Variants in ASXL1 observed in about 807,000 individuals in gnomAD.
ASXL1 encodes the protein polycomb group protein ASXL1.
ASXL1 carries 65 observed loss-of-function variants against 89.1 expected under a neutral mutation model. The ratio of observed to expected loss-of-function variants is 0.73; its 90% confidence interval spans 0.60 to 0.90. The LOEUF (loss-of-function observed/expected upper bound fraction) is 0.90. Ranked by LOEUF, ASXL1 falls within the 40% of genes least tolerant of loss-of-function variation. The probability of loss-of-function intolerance (pLI) is 0.00; values close to 1 mark genes in which losing one functional copy is unlikely to be tolerated. For missense variants in ASXL1, 1,786 were observed against 1,942.9 expected (o/e 0.92, Z 1.52); for synonymous variants, 739 against 746.9 (o/e 0.99, Z 0.17).
chr20:32,366,712 G>A (rs1198930489), intron 2 of ASXL1, among the ~76,000 whole-genome samples: 1 of 152,072 alleles, frequency 6.6e-6, no homozygotes, highest in Non-Finnish European at 1.5e-5. Context: ...TTAAATCTTG[G>A]CATAGAGCTT....
At chr20:32,392,281 A>ATTT (rs35202000) in intron 4 of ASXL1, among the ~76,000 whole-genome samples, 5 of 131,092 alleles carry the variant, frequency 3.8e-5, no homozygotes, top group African/African-American at 1.4e-4. Flanking sequence ...AGCCTAGCTG[A>ATTT]TTTTTTTTTT....
chr20:32,434,685 G>T lies in ASXL1; in HGVS notation c.1973G>T (p.Gly658Val). Reference protein sequence around the residue: ...GGGGGGATDEGGGRGSSSGDG... With the variant: ...GGGGGGATDEVGGRGSSSGDG... ...GGTGGCGGCGGGGCCACCGATGAGG[G>T]AGGTGGCAGAGGCAGCAGCAGTGGT... is the stretch of plus-strand genomic sequence containing the variant. Residue 658 changes from glycine (G) to valine (V), a missense_variant, in exon 13 of 13, where the codon GGA becomes GTA. By Grantham distance (109) the Gly-to-Val change is moderately radical. Coordinates refer to ENST00000375687, the MANE Select transcript of ASXL1 (RefSeq NM_015338.6). The T allele has an allele frequency of 6.2e-7, 1 of 1,604,786 alleles. No homozygotes were observed. Among genetic ancestry groups the T allele is most frequent in the Non-Finnish European group, 8.5e-7 (1 of 1,175,888 alleles).
chr20:32,378,745 T>C (rs1180906480), intron 4 of ASXL1, among the ~76,000 whole-genome samples: 1 of 152,068 alleles, frequency 6.6e-6, no homozygotes, highest in Non-Finnish European at 1.5e-5. Context: ...AAAATGGTTG[T>C]TGTGTCTTTG....
At chr20:32,387,251 C>T (rs1353163108) in intron 4 of ASXL1, among the ~76,000 whole-genome samples, 3 of 151,808 alleles carry the variant, frequency 2.0e-5, no homozygotes, top group East Asian at 1.9e-4. Flanking sequence ...TTCAGTGAGC[C>T]GAGACTGAGA....
intron 4 of ASXL1, among the ~76,000 whole-genome samples, chr20:32,389,091 C>A (rs892972334): frequency 6.6e-6 from 1 of 152,002 alleles, no homozygotes; most frequent in Non-Finnish European, 1.5e-5. Flanking sequence ...GCTTTAGAAA[C>A]CTCTATTCAG....
At chr20:32,358,938 G>T in intron 1 of ASXL1, 106 bp downstream of exon 1, 1 of 1,196,722 alleles carries the variant, frequency 8.4e-7, no homozygotes, top group Non-Finnish European at 1.1e-6. Context: ...CACCGCGGGA[G>T]GGGGCGGGGC....
chr20:32,372,042 A>T, intron 4 of ASXL1: 1 of 1,223,464 alleles, frequency 8.2e-7, no homozygotes. Flanking sequence ...TTTTTCTATG[A>T]GTACCTTAAG....
intron 4 of ASXL1, chr20:32,427,248 G>A (rs1307133313): frequency 6.6e-6 from 1 of 152,148 alleles, no homozygotes; most frequent in Non-Finnish European, 1.5e-5. Context: ...TGAAATTTGG[G>A]ATGGAGTTCT....
intron 4 of ASXL1, among the ~76,000 whole-genome samples, chr20:32,371,600 T>C (rs1257477102): frequency 6.6e-6 from 1 of 152,052 alleles, no homozygotes; most frequent in African/African-American, 2.4e-5. Flanking sequence ...TATTTTTTAA[T>C]TTAATATTAA....
Position 32,434,437 on chromosome 20 carries a change from A to C in ASXL1, c.1725A>C (p.Gln575His), listed in dbSNP as rs771671358. 1.2e-6 allele frequency: 2 copies of C among 1,613,972 alleles called. No homozygotes were observed. Among genetic ancestry groups the C allele is most frequent in the South Asian group, 1.1e-5 (1 of 91,084 alleles). The change falls in exon 13 of 13, where the codon CAA becomes CAC. Residue 575 changes from glutamine to histidine, a missense_variant. Coordinates refer to ENST00000375687, the MANE Select transcript of ASXL1 (RefSeq NM_015338.6). Reference sequence around the variant, plus strand: ...TTCTAATTCTTTTTTTGCAGATTCAACTTTCACGTATCAAACCACCCTGGG... The same window carrying C: ...TTCTAATTCTTTTTTTGCAGATTCACCTTTCACGTATCAAACCACCCTGGG... Reference protein sequence around the residue: ...EEPKVPPIRIQLSRIKPPWVV... With the variant: ...EEPKVPPIRIHLSRIKPPWVV...
At chr20:32,424,861 A>T (rs923402818) in intron 4 of ASXL1, among the ~76,000 whole-genome samples, 1 of 152,150 alleles carries the variant, frequency 6.6e-6, no homozygotes, top group African/African-American at 2.4e-5. Context: ...CAGCTTAAGG[A>T]ATTATTATAA....
chr20:32,361,389 C>T (rs549462091), intron 1 of ASXL1, among the ~76,000 whole-genome samples: 9 of 151,182 alleles, frequency 6.0e-5, no homozygotes, highest in African/African-American at 2.2e-4. Context: ...CCTGTAATCC[C>T]AGCACTTTGG....
intron 4 of ASXL1, among the ~76,000 whole-genome samples, chr20:32,386,939 T>C (rs1055337653): frequency 6.6e-6 from 1 of 152,118 alleles, no homozygotes; most frequent in Non-Finnish European, 1.5e-5. Context: ...TTTTACAGTT[T>C]TTCCAGCTGG....
intron 4 of ASXL1, among the ~76,000 whole-genome samples, chr20:32,403,962 C>G (rs1178577184): frequency 4.0e-5 from 6 of 151,720 alleles, no homozygotes; most frequent in Non-Finnish European, 7.4e-5. Flanking sequence ...GTATAATGAT[C>G]AAAGCAAGGT....
chr20:32,399,886 C>G (rs1411056279), intron 4 of ASXL1, among the ~76,000 whole-genome samples: 1 of 149,716 alleles, frequency 6.7e-6, no homozygotes. Context: ...CTCAGCCTCC[C>G]GAGTAGCTGG....
chr20:32,372,606 T>C (rs913073060), intron 4 of ASXL1: 2 of 210,256 alleles, frequency 9.5e-6, no homozygotes, highest in Non-Finnish European at 1.8e-5. Context: ...ATTTATTTTT[T>C]TTTTCTGAGA....
At chr20:32,410,367 C>G (rs2049022676) in intron 4 of ASXL1, among the ~76,000 whole-genome samples, 1 of 152,198 alleles carries the variant, frequency 6.6e-6, no homozygotes, top group Non-Finnish European at 1.5e-5. Flanking sequence ...GAATGAACTT[C>G]TGGCCTCAAG....
intron 4 of ASXL1, chr20:32,372,500 C>A: frequency 1.3e-6 from 1 of 757,818 alleles, no homozygotes; most frequent in Non-Finnish European, 1.7e-6. Flanking sequence ...TTATTAATTA[C>A]CCACAGTACT....
chr20:32,366,116 AC>A (rs2048200238), intron 1 of ASXL1, among the ~76,000 whole-genome samples: 1 of 152,172 alleles, frequency 6.6e-6, no homozygotes, highest in Non-Finnish European at 1.5e-5. Context: ...CTGAACAGTA[AC>A]CAGTGTTGCT....
Sources: allele counts gnomAD v4.1 joint callset (sites outside exome capture counted in the v4.1 genomes callset), GRCh38; gene constraint gnomAD v4.1.1; transcripts MANE v1.5; gene names NCBI Gene and HGNC (gene_info 2026-07-23, HGNC 2026-07-21).